The following HACE1 variants were observed in gnomAD, a reference collection of about 807,000 sequenced individuals.
HACE1 encodes the protein HECT domain and ankyrin repeat containing E3 ubiquitin protein ligase 1.
HACE1 carries 73 observed loss-of-function variants against 118.4 expected under a neutral mutation model. The ratio of observed to expected loss-of-function variants is 0.62; its 90% confidence interval spans 0.51 to 0.75. HACE1 has a LOEUF of 0.75. HACE1 is among the 30% of genes least tolerant of loss of function. HACE1 has a pLI of 0.00. For missense variants in HACE1, 749 were observed against 1,102.2 expected, an observed-to-expected ratio of 0.68 and a Z score of 4.54; for synonymous variants, 368 against 374.8, an observed-to-expected ratio of 0.98 and a Z score of 0.21.
intron 7 of HACE1, among the ~76,000 whole-genome samples, chr6:104,802,695 T>C (rs1181146703): frequency 1.3e-5 from 2 of 152,154 alleles, no homozygotes; most frequent in African/African-American, 4.8e-5. Flanking sequence ...TACCAGAATC[T>C]CTGGGACACA....
intron 13 of HACE1, 68 bp downstream of exon 13, chr6:104,784,349 G>A: frequency 9.3e-7 from 1 of 1,076,292 alleles, no homozygotes; most frequent in Non-Finnish European, 1.5e-6. Flanking sequence ...TATTTTTTCT[G>A]TTTAGATGAA....
intron 6 of HACE1, among the ~76,000 whole-genome samples, chr6:104,821,861 C>T (rs535710352): frequency 6.6e-6 from 1 of 152,258 alleles, no homozygotes; most frequent in African/African-American, 2.4e-5. Flanking sequence ...AATCTAGTAA[C>T]TCCCTACTAA....
At chr6:104,777,809 G>C (rs1037520918) in intron 14 of HACE1, among the ~76,000 whole-genome samples, 1 of 152,094 alleles carries the variant, frequency 6.6e-6, no homozygotes, top group Admixed American at 6.5e-5. Context: ...GTCCAGGCTG[G>C]AGTGCAGTGG....
chr6:104,820,811 A>G (rs1772631198), intron 6 of HACE1, among the ~76,000 whole-genome samples: 1 of 152,212 alleles, frequency 6.6e-6, no homozygotes, highest in Non-Finnish European at 1.5e-5. Flanking sequence ...CAGAAATACC[A>G]TTTGACCCAG....
intron 19 of HACE1, among the ~76,000 whole-genome samples, chr6:104,755,774 T>G (rs922457029): frequency 3.9e-5 from 6 of 152,150 alleles, no homozygotes; most frequent in African/African-American, 1.2e-4. Flanking sequence ...GGGATGCAGC[T>G]AAAGCAGTGT....
intron 7 of HACE1, among the ~76,000 whole-genome samples, chr6:104,800,226 G>A (rs923693554): frequency 2.6e-5 from 4 of 152,124 alleles, no homozygotes; most frequent in Admixed American, 6.5e-5. Context: ...CAAACTAGGC[G>A]GAGCCCACTG....
intron 17 of HACE1, among the ~76,000 whole-genome samples, chr6:104,774,262 T>G (rs1780974561): frequency 7.8e-6 from 1 of 128,864 alleles, no homozygotes; most frequent in Non-Finnish European, 1.6e-5. Flanking sequence ...GCTAATTTTT[T>G]TGTATTTTTA....
At chr6:104,857,349 C>G (rs759655144) in intron 1 of HACE1, among the ~76,000 whole-genome samples, 1 of 151,474 alleles carries the variant, frequency 6.6e-6, no homozygotes, top group African/African-American at 2.4e-5. Flanking sequence ...CAAATGCAAA[C>G]GATGCCATTT....
intron 9 of HACE1, 24 bp downstream of exon 9, chr6:104,796,631 A>C: frequency 9.2e-7 from 1 of 1,082,716 alleles, no homozygotes. Context: ...CTTCATTTAC[A>C]AGCTACTATC....
intron 4 of HACE1, among the ~76,000 whole-genome samples, chr6:104,844,048 TTC>T (rs1775376863): frequency 6.6e-6 from 1 of 151,292 alleles, no homozygotes; most frequent in Non-Finnish European, 1.5e-5. Context: ...TTTTTTTTTT[TTC>T]TGTGATGGAG....
intron 22 of HACE1, among the ~76,000 whole-genome samples, chr6:104,739,812 C>A (rs367990585): frequency 1.3e-5 from 2 of 151,518 alleles, no homozygotes; most frequent in African/African-American, 4.9e-5. Context: ...CTGCACCAAG[C>A]GGACCTAATA....
In HACE1 at chr6:104,833,119, G is replaced by C; in HGVS notation, c.457C>G (p.His153Asp). Reference protein sequence around the residue: ...RTELLHDLVQHVSDVDVEDAM... With the variant: ...RTELLHDLVQDVSDVDVEDAM... ...TCCTCAACATCAACATCACTGACAT[G>C]CTGCACAAGGTCATGGAGTAGTTCT... Residue 153 changes from histidine (H) to aspartate (D), a missense_variant, in exon 6 of 24, where the codon CAT (histidine) becomes GAT (aspartate). This residue lies in a region of HACE1 where 120 missense variants were observed against 219.1 expected (regional missense o/e 0.55). Coordinates refer to ENST00000262903, the MANE Select transcript of HACE1 (RefSeq NM_020771.4). 1 of 1,613,158 alleles carries C rather than the reference G, an allele frequency of 6.2e-7. No individual in the cohort carries two copies. Among genetic ancestry groups the C allele is most frequent in the Non-Finnish European group, 8.5e-7 (1 of 1,179,100 alleles).
At chr6:104,809,938 T>C (rs1386271406) in intron 7 of HACE1, among the ~76,000 whole-genome samples, 1 of 152,050 alleles carries the variant, frequency 6.6e-6, no homozygotes, top group East Asian at 1.9e-4. Flanking sequence ...CAATAAGGTT[T>C]CTATTGATTA....
intron 20 of HACE1, among the ~76,000 whole-genome samples, chr6:104,747,603 C>A (rs1355334605): frequency 6.6e-6 from 1 of 151,842 alleles, no homozygotes; most frequent in Non-Finnish European, 1.5e-5. Context: ...AGCAGACTGG[C>A]AACAGTGATG....
intron 19 of HACE1, among the ~76,000 whole-genome samples, chr6:104,764,792 A>G (rs939832515): frequency 5.3e-5 from 8 of 152,072 alleles, no homozygotes; most frequent in African/African-American, 1.7e-4. Flanking sequence ...ATTTTTTTGC[A>G]TATGTAAGGC....
intron 22 of HACE1, chr6:104,730,697 T>C: frequency 2.6e-6 from 1 of 378,278 alleles, no homozygotes; most frequent in Non-Finnish European, 5.0e-6. Context: ...ACATTTACAA[T>C]TATTTGCTTT....
In HACE1 at chr6:104,776,733, C is replaced by A; in HGVS notation, c.1864+8G>T. The stretch of plus-strand genomic sequence containing the variant: ...TGCAGAAAAAGTCATCTAGACTGTA[C>A]AACTTACCATCAGCTGACTGGGTAA... On this transcript the variant is annotated splice_region_variant and intron_variant, in intron 17 of 23. Coordinates refer to ENST00000262903, the MANE Select transcript of HACE1 (RefSeq NM_020771.4). 3.3e-6 allele frequency: 5 copies of A among 1,537,096 alleles called. No individual in the cohort carries two copies. In the South Asian group the frequency reaches 3.4e-5, roughly 10 times the overall value.
intron 5 of HACE1, among the ~76,000 whole-genome samples, chr6:104,833,581 C>T (rs1006470246): frequency 2.0e-5 from 3 of 152,132 alleles, no homozygotes; most frequent in Non-Finnish European, 4.4e-5. Context: ...TGGTGACTCA[C>T]GTTTGTAATC....
chr6:104,789,130 T>A (rs767415845), intron 11 of HACE1, among the ~76,000 whole-genome samples: 23 of 152,154 alleles, frequency 1.5e-4, no homozygotes, highest in Non-Finnish European at 2.6e-4. Flanking sequence ...ACAGGAGATC[T>A]GATTCCCATG....
Sources: gnomAD v4.1 joint callset for allele counts (sites outside exome capture counted in the v4.1 genomes callset) on GRCh38, gnomAD v4.1.1 for gene constraint, gnomAD v4.1.1 regional missense constraint, MANE v1.5 for transcripts, NCBI Gene and HGNC (gene_info 2026-07-23, HGNC 2026-07-21) for gene names.